The following CD81 variants were observed in gnomAD, a reference collection of about 807,000 sequenced individuals.
The protein encoded by CD81 is CD81 molecule.
In CD81, 10 loss-of-function variants were observed where a neutral mutation model predicts 30.1. The ratio of observed to expected loss-of-function variants is 0.33; its 90% CI spans 0.21 to 0.56. The LOEUF is 0.56. Ranked by LOEUF, CD81 falls within the 20% of genes least tolerant of loss-of-function variation. CD81 has a pLI of 0.89. For missense variants in CD81, 263 were observed against 308.7 expected, an observed-to-expected ratio of 0.85 and a Z score of 1.11; for synonymous variants, 147 against 126.4, an observed-to-expected ratio of 1.16 and a Z score of -1.10.
chr11:2,379,163 A>G (rs865955762), intron 1 of CD81: 13 of 453,702 alleles, frequency 2.9e-5, no homozygotes, highest in Non-Finnish European at 5.3e-5. Flanking sequence ...CACCAGACAC[A>G]GGATGTCCCT....
chr11:2,387,524 G>A (rs1564991784), intron 1 of CD81, among the ~76,000 whole-genome samples: 1 of 152,224 alleles, frequency 6.6e-6, no homozygotes, highest in Non-Finnish European at 1.5e-5. Flanking sequence ...AGGACAGCCA[G>A]GCTCTCTGGG....
At chr11:2,385,543 G>GCACCCGTGC in intron 1 of CD81, 1 of 264,918 alleles carries the variant, frequency 3.8e-6, no homozygotes, top group South Asian at 3.7e-5. Flanking sequence ...CCCGTCGTCT[G>GCACCCGTGC]TGTGGCATGC....
intron 1 of CD81, among the ~76,000 whole-genome samples, chr11:2,385,037 G>A (rs1209239483): frequency 6.6e-6 from 1 of 152,052 alleles, no homozygotes; most frequent in Non-Finnish European, 1.5e-5. Context: ...CTAAGGACGC[G>A]GCTTCGGTGT....
chr11:2,386,482 A>G, intron 1 of CD81: 1 of 708,784 alleles, frequency 1.4e-6, no homozygotes, highest in Non-Finnish European at 2.6e-6. Flanking sequence ...AGGTGGCCCT[A>G]GGGGGGTCCC....
intron 2 of CD81, 131 bp downstream of exon 2, chr11:2,390,657 T>C: frequency 1.4e-6 from 1 of 724,192 alleles, no homozygotes; most frequent in Non-Finnish European, 2.5e-6. Context: ...GAGGCGGCCC[T>C]GGAAAGGGCT....
intron 1 of CD81, among the ~76,000 whole-genome samples, chr11:2,384,363 G>GTGGGGTGGGGCATTTCC: frequency 7.4e-6 from 1 of 135,752 alleles, no homozygotes; most frequent in Non-Finnish European, 1.6e-5. Context: ...GGGGTGGCTT[G>GTGGGGTGGGGCATTTCC]TGGGGTGGGG....
intron 6 of CD81, 50 bp from the exon 7 acceptor site, chr11:2,396,578 C>T (rs368199615): frequency 2.0e-5 from 30 of 1,467,930 alleles, no homozygotes; most frequent in African/African-American, 7.0e-5. Context: ...AACGGGAAGC[C>T]GGGAGCCGAG....
rs11022607 is a variant in CD81, at chr11:2,396,293, A to G, written c.561+323A>G. On this transcript the variant is annotated intron_variant, in intron 6 of 7. Transcript: ENST00000263645. ...CTGTAGCTGGCAGGGCCTGCAGGCC[A>G]TATAGTGCCCTGTGGAAGTTTCCTG... The G allele has an allele frequency of 0.04, 22,529 of 564,824 alleles. 1,843 individuals are homozygous for G. Among genetic ancestry groups the G allele is most frequent in the African/African-American group, 0.24 (12,743 of 53,122 alleles). The allele number at this position is 564,824 out of a possible 1,614,324, so 35.0% of individuals were successfully genotyped here.
intron 1 of CD81, among the ~76,000 whole-genome samples, chr11:2,383,671 C>T (rs982520079): frequency 6.6e-6 from 1 of 152,162 alleles, no homozygotes; most frequent in African/African-American, 2.4e-5. Context: ...CGCAGCGTGG[C>T]CCTGCCTGGT....
chr11:2,396,043 A>G (rs1849994920), intron 6 of CD81, 73 bp downstream of exon 6: 1 of 801,174 alleles, frequency 1.2e-6, no homozygotes, highest in Non-Finnish European at 2.0e-6. Flanking sequence ...AGGGGTGGGC[A>G]GGTCACACGG....
upstream of CD81, chr11:2,376,838 C>G (rs1849599920): frequency 6.6e-6 from 1 of 152,362 alleles, no homozygotes; most frequent in Non-Finnish European, 1.5e-5. Context: ...CCCCGGAGAG[C>G]AATGTGAGCA....
intron 2 of CD81, chr11:2,393,610 C>G: frequency 2.0e-6 from 1 of 504,888 alleles, no homozygotes; most frequent in Non-Finnish European, 3.6e-6. Context: ...GGGGAGGCAG[C>G]ATTGGTTCCA....
At chr11:2,386,051 C>A (rs1849792408) in intron 1 of CD81, 2 of 717,166 alleles carry the variant, frequency 2.8e-6, no homozygotes, top group Non-Finnish European at 5.2e-6. Flanking sequence ...CCAGTTGCCT[C>A]CCCCAGCAGC....
At position 2,394,185 on chromosome 11, in the gene CD81, T is replaced by C. The variant is rs1356788766; in HGVS notation, c.272T>C (p.Leu91Pro). ...GCCATCCAGGAATCCCAGTGCCTGCTGGGGACGGTAAGGCAGGGAGGCGGG... is the reference window on the plus strand; with the variant it reads ...GCCATCCAGGAATCCCAGTGCCTGCCGGGGACGGTAAGGCAGGGAGGCGGG... ...YGAIQESQCLLGTFFTCLVIL... is the reference protein window; with the variant it reads ...YGAIQESQCLPGTFFTCLVIL... The change falls in exon 3 of 8, where the codon CTG becomes CCG. Residue 91 changes from leucine to proline, a missense_variant. Physicochemically the swap from Leu to Pro is moderately conservative, Grantham distance 98. Around this residue, in one of 3 missense-constraint regions of CD81, gnomAD observed 176 missense variants for 192.9 expected, o/e 0.91. Coordinates refer to ENST00000263645, the MANE Select transcript of CD81 (RefSeq NM_004356.4). The C allele has an allele frequency of 6.2e-7, 1 of 1,608,790 alleles. No homozygotes were observed. Among genetic ancestry groups the C allele is most frequent in the Non-Finnish European group, 8.5e-7 (1 of 1,176,970 alleles).
rs1056726834 is a variant in CD81 at position 2,395,360 on chromosome 11, G to A, written c.355-56G>A. On this transcript the variant is annotated intron_variant, in intron 4 of 7. Coordinates refer to ENST00000263645, the MANE Select transcript of CD81 (RefSeq NM_004356.4). Reference sequence around the variant, plus strand: ...GTGCGTCCGCCTGGGGCGGGGCGGGGTGGGGGCAAGGAGGGGGAGGTTCCC... The same window carrying A: ...GTGCGTCCGCCTGGGGCGGGGCGGGATGGGGGCAAGGAGGGGGAGGTTCCC... 6 of 1,413,202 alleles carry A rather than the reference G, an allele frequency of 4.2e-6. No homozygotes were observed. In the African/African-American group the frequency reaches 5.6e-5, roughly 13 times the overall value. The allele number at this position is 1,413,202 out of a possible 1,614,324, so 87.5% of individuals were successfully genotyped here.
chr11:2,395,511 C>T lies in CD81; in HGVS notation c.450C>T (p.Phe150=), dbSNP rs780428498. The T allele has an allele frequency of 1.2e-6, 2 of 1,612,326 alleles. No individual in the cohort carries two copies. Among genetic ancestry groups the T allele is most frequent in the South Asian group, 2.2e-5 (2 of 91,082 alleles). The change falls in exon 5 of 8, where the codon TTC becomes TTT. Residue 150 remains phenylalanine, a synonymous_variant. Coordinates refer to ENST00000263645, the MANE Select transcript of CD81 (RefSeq NM_004356.4). ...ANNAKAVVKT[F]HETLDCCGSS... is the part of the protein sequence containing the mutation. ...ACGCCAAGGCTGTGGTGAAGACCTTCCACGAGACGGTGCGGCCCCGGGGGG... is the reference window on the plus strand; with the variant it reads ...ACGCCAAGGCTGTGGTGAAGACCTTTCACGAGACGGTGCGGCCCCGGGGGG...
At chr11:2,393,571 G>GC (rs34771065) in intron 2 of CD81, 6 of 383,516 alleles carry the variant, frequency 1.6e-5, no homozygotes, top group South Asian at 3.7e-5. Context: ...AGCCAGCAGG[G>GC]CCCCCCCACC....
intron 1 of CD81, among the ~76,000 whole-genome samples, chr11:2,383,737 C>T (rs980389200): frequency 5.3e-5 from 8 of 152,256 alleles, no homozygotes; most frequent in Admixed American, 5.2e-4. Flanking sequence ...ACACAGATGC[C>T]CAGCCTGTAC....
intron 2 of CD81, 76 bp from the exon 3 acceptor site, chr11:2,394,019 C>T (rs781280763): frequency 1.6e-5 from 19 of 1,155,638 alleles, no homozygotes; most frequent in Middle Eastern, 1.9e-4. Context: ...GTGGTGGGTT[C>T]GGCACCCAGG....
Sources: gnomAD v4.1 joint callset for allele counts (sites outside exome capture counted in the v4.1 genomes callset) on GRCh38, gnomAD v4.1.1 for gene constraint, gnomAD v4.1.1 regional missense constraint, MANE v1.5 for transcripts, NCBI Gene and HGNC (gene_info 2026-07-23, HGNC 2026-07-21) for gene names.